The following COL4A5 variants were observed in gnomAD, a reference collection of about 807,000 sequenced individuals.
The protein encoded by COL4A5 is collagen alpha-5(IV) chain.
COL4A5 carries 26 observed loss-of-function variants against 130.2 expected under a neutral mutation model. That is an observed-to-expected ratio of 0.20 (90% confidence interval 0.15 to 0.28). The LOEUF (loss-of-function observed/expected upper bound fraction) is 0.28. COL4A5 is among the 10% of genes least tolerant of loss of function. The pLI is 1.00. For missense variants in COL4A5, 1,131 were observed against 1,344.3 expected (o/e 0.84, Z 2.48); for synonymous variants, 496 against 439.6 (o/e 1.13, Z -1.60).
chrX:108,610,742 C>T, intron 29 of COL4A5, among the ~76,000 whole-genome samples: 1 of 111,425 alleles, frequency 9.0e-6, no homozygotes, highest in Non-Finnish European at 1.9e-5. Context: ...ATTCCCATAT[C>T]CTCACAGGAG....
At chrX:108,591,894 C>T (rs1407050899) in intron 21 of COL4A5, among the ~76,000 whole-genome samples, 2 of 111,248 alleles carry the variant, frequency 1.8e-5, no homozygotes, top group African/African-American at 3.3e-5. Context: ...CCACTGAGAC[C>T]TAGCAACTTT....
At chrX:108,664,060 C>G (rs1376241354) in intron 37 of COL4A5, among the ~76,000 whole-genome samples, 3 of 111,137 alleles carry the variant, frequency 2.7e-5, no homozygotes, top group African/African-American at 9.9e-5. Context: ...TGGCATGCAC[C>G]TGTATTCCTA....
chrX:108,583,539 C>T (rs992299436), intron 17 of COL4A5, among the ~76,000 whole-genome samples: 2 of 111,234 alleles, frequency 1.8e-5, no homozygotes, highest in Non-Finnish European at 1.9e-5. Flanking sequence ...TTAATTGCTT[C>T]GTATCAAAAA....
At chrX:108,517,146 A>G (rs1157006098) in intron 1 of COL4A5, among the ~76,000 whole-genome samples, 2 of 111,751 alleles carry the variant, frequency 1.8e-5, no homozygotes, top group Non-Finnish European at 3.8e-5. Context: ...CTTATGTGCC[A>G]GGTTAGATAT....
chrX:108,587,348 G>A (rs1249270825), intron 19 of COL4A5, among the ~76,000 whole-genome samples: 2 of 96,822 alleles, frequency 2.1e-5, no homozygotes, highest in Non-Finnish European at 3.8e-5. Flanking sequence ...AACCTCCTAC[G>A]TAAGAATGAG....
chrX:108,443,483 T>C (rs768354845), intron 1 of COL4A5, among the ~76,000 whole-genome samples: 4 of 112,110 alleles, frequency 3.6e-5, no homozygotes, highest in Admixed American at 2.8e-4. Context: ...GGTAACACAC[T>C]TTACTTAACA....
At chrX:108,626,940 T>C (rs923756525) in intron 36 of COL4A5, 5 of 750,970 alleles carry the variant, frequency 6.7e-6, no homozygotes, top group Non-Finnish European at 7.8e-6. Context: ...TCCTTAATCA[T>C]GTAGTCAGAC....
In COL4A5 at chrX:108,491,132, A is replaced by G. The variant is rs752247581; in HGVS notation, c.82-48614A>G. Among the ~76,000 whole-genome samples, 3 of 111,815 alleles carry G rather than the reference A, an allele frequency of 2.7e-5. No homozygotes were observed. The East Asian group carries it at 8.5e-4, about 32-fold the overall frequency. ...AACATTCATGTGTGCACATGTCTTTATGGTAGAATACTCATGAAAGTGTCT... is the reference window on the plus strand; with the variant it reads ...AACATTCATGTGTGCACATGTCTTTGTGGTAGAATACTCATGAAAGTGTCT... On this transcript the variant is annotated intron_variant, in intron 1 of 52. Coordinates refer to ENST00000328300, the MANE Select transcript of COL4A5 (RefSeq NM_033380.3).
chrX:108,612,999 CA>C (rs764693794), intron 29 of COL4A5, among the ~76,000 whole-genome samples: 9 of 111,827 alleles, frequency 8.0e-5, no homozygotes, highest in Non-Finnish European at 1.7e-4. Context: ...GCAATCTCAA[CA>C]GAAAGGTAAG....
intron 1 of COL4A5, among the ~76,000 whole-genome samples, chrX:108,521,056 T>C (rs950064586): frequency 3.6e-5 from 4 of 111,825 alleles, no homozygotes; most frequent in African/African-American, 6.5e-5. Context: ...AATCAGACAC[T>C]TTATATGCAT....
At chrX:108,685,173 A>G (rs1055109851) in intron 47 of COL4A5, among the ~76,000 whole-genome samples, 16 of 112,191 alleles carry the variant, frequency 1.4e-4, no homozygotes, top group Non-Finnish European at 2.6e-4. Context: ...AGCTGGAAGC[A>G]TTCCCTTTGA....
chrX:108,572,789 A>G (rs1017779941), intron 8 of COL4A5, among the ~76,000 whole-genome samples: 2 of 111,955 alleles, frequency 1.8e-5, no homozygotes, highest in East Asian at 5.6e-4. Context: ...TAATATGCTT[A>G]TAAACCTTCA....
At chrX:108,551,494 A>G (rs2065751842) in intron 2 of COL4A5, among the ~76,000 whole-genome samples, 1 of 112,073 alleles carries the variant, frequency 8.9e-6, no homozygotes, top group Admixed American at 9.5e-5. Flanking sequence ...TTAAAAAGTT[A>G]GAATGGCTAT....
intron 29 of COL4A5, among the ~76,000 whole-genome samples, chrX:108,610,581 A>G (rs751449026): frequency 1.8e-5 from 2 of 112,051 alleles, no homozygotes; most frequent in Non-Finnish European, 3.8e-5. Flanking sequence ...AATATGTGGC[A>G]AACAGTCTTC....
At chrX:108,633,879 T>C (rs1351049503) in intron 36 of COL4A5, among the ~76,000 whole-genome samples, 1 of 111,876 alleles carries the variant, frequency 8.9e-6, no homozygotes, top group Non-Finnish European at 1.9e-5. Context: ...TTCTATTAGG[T>C]ACAGGTGATC....
intron 1 of COL4A5, among the ~76,000 whole-genome samples, chrX:108,498,331 T>C (rs1485525538): frequency 3.6e-5 from 4 of 111,761 alleles, no homozygotes; most frequent in African/African-American, 1.3e-4. Flanking sequence ...TTTTGGACTC[T>C]CCATTTTGTT....
chrX:108,538,006 T>A (rs1039678622), intron 1 of COL4A5, among the ~76,000 whole-genome samples: 1 of 112,214 alleles, frequency 8.9e-6, no homozygotes, highest in African/African-American at 3.2e-5. Flanking sequence ...CTCTGTTTCC[T>A]GCACATTGTA....
intron 36 of COL4A5, among the ~76,000 whole-genome samples, chrX:108,641,740 G>C (rs1406186805): frequency 8.9e-6 from 1 of 111,971 alleles, no homozygotes; most frequent in East Asian, 2.8e-4. Context: ...GGCCCTGGGG[G>C]CTTGCTGGGT....
intron 36 of COL4A5, among the ~76,000 whole-genome samples, chrX:108,648,817 C>G (rs946414022): frequency 5.4e-5 from 6 of 111,410 alleles, no homozygotes; most frequent in African/African-American, 1.3e-4. Context: ...AGCTTTCCCT[C>G]TGAGAACTGG....
Sources: allele counts gnomAD v4.1 joint callset (sites outside exome capture counted in the v4.1 genomes callset), GRCh38; gene constraint gnomAD v4.1.1; transcripts MANE v1.5; gene names NCBI Gene and HGNC (gene_info 2026-07-23, HGNC 2026-07-21).